MDGA1: variants seen among roughly 807,000 people sequenced by gnomAD.
MDGA1 encodes MAM domain containing glycosylphosphatidylinositol anchor 1.
Under a neutral mutation model 101.5 loss-of-function variants are expected in MDGA1, and 54 were observed. That is an observed-to-expected ratio of 0.53 (90% CI 0.43 to 0.67). The LOEUF is 0.67. Ranked by LOEUF, MDGA1 falls within the 30% of genes least tolerant of loss-of-function variation. The pLI is 0.00. For missense variants in MDGA1, 1,083 were observed against 1,323.8 expected, an observed-to-expected ratio of 0.82 and a Z score of 2.82; for synonymous variants, 533 against 558.3, an observed-to-expected ratio of 0.95 and a Z score of 0.64.
chr6:37,639,423 CCT>C (rs1464046038), intron 14 of MDGA1: 1 of 152,308 alleles, frequency 6.6e-6, no homozygotes, highest in African/African-American at 2.4e-5. Context: ...GGAGGGGACC[CCT>C]GTCTCCAATC....
intron 3 of MDGA1, among the ~76,000 whole-genome samples, chr6:37,657,439 T>TGCC (rs1455899067): frequency 1.3e-5 from 2 of 152,212 alleles, no homozygotes; most frequent in Non-Finnish European, 2.9e-5. Context: ...GGGTCCAGGC[T>TGCC]ATGCCTGCCA....
In MDGA1 at chr6:37,696,721, G is replaced by A; in HGVS notation, c.67+24C>T. On this transcript the variant is annotated intron_variant, in intron 1 of 16. Transcript: ENST00000434837. This position sits in a 1 kb window ranked among gnomAD's most constrained non-coding sequence, Gnocchi z 5.6. ...AGTTTCCGCGCGAGGTTAAGCCAAG[G>A]TGGAGCGGGACGCGGGCTCTTACCG... 2 of 1,565,466 alleles carry A rather than the reference G, an allele frequency of 1.3e-6. No individual in the cohort carries two copies. The highest frequency in any genetic ancestry group is 1.7e-6 in the Non-Finnish European group (2 of 1,153,856).
intron 1 of MDGA1, among the ~76,000 whole-genome samples, chr6:37,681,042 C>A (rs973843430): frequency 1.3e-5 from 2 of 152,200 alleles, no homozygotes; most frequent in African/African-American, 4.8e-5. Flanking sequence ...GCCAACCCGG[C>A]TGGCATGGGG....
rs560478966 is a variant in MDGA1 at position 37,635,557 on chromosome 6, G to A, written c.*1811C>T. 2.3e-5 allele frequency: 9 copies of A among 398,730 alleles called. No individual in the cohort carries two copies. Among genetic ancestry groups the A allele is most frequent in the South Asian group, 1.3e-4 (1 of 7,868 alleles). The allele number at this position is 398,730 out of a possible 1,614,324, so 24.7% of individuals were successfully genotyped here. A position where few individuals can be genotyped will look rare whatever the true frequency, so the allele number is the denominator to read the frequency against. ...ATCCTGGCCCGGCCACCCACCAGCT[G>A]TTGGTGATAATGATCACACAGGCCT... On this transcript the variant is annotated 3_prime_UTR_variant, in exon 17 of 17. Coordinates refer to ENST00000434837, the MANE Select transcript of MDGA1 (RefSeq NM_153487.4).
chr6:37,685,107 G>T (rs1326368796), intron 1 of MDGA1, among the ~76,000 whole-genome samples: 1 of 152,092 alleles, frequency 6.6e-6, no homozygotes, highest in African/African-American at 2.4e-5. Flanking sequence ...TTTGAGGCCA[G>T]CCTGGGCAAC....
At chr6:37,674,098 A>G (rs1761927652) in intron 1 of MDGA1, among the ~76,000 whole-genome samples, 1 of 152,212 alleles carries the variant, frequency 6.6e-6, no homozygotes, top group African/African-American at 2.4e-5. Flanking sequence ...TTCTGGGCAA[A>G]GAACCTCTGC....
At position 37,647,415 on chromosome 6, in the gene MDGA1, G is replaced by A. The variant is rs1761233746; in HGVS notation, c.1895-91C>T. 1.3e-5 allele frequency: 10 copies of A among 786,388 alleles called. 1 individual carries two copies. In the South Asian group the frequency reaches 1.9e-4, roughly 15 times the overall value. The allele number at this position is 786,388 out of a possible 1,614,324, so 48.7% of individuals were successfully genotyped here. A position where few individuals can be genotyped will look rare whatever the true frequency, so the allele number is the denominator to read the frequency against. ...GTGGGAAAGGGAAACAAGAGGATGA[G>A]GTGGAAAACAGAGAGGGGACGGAGA... On this transcript the variant is annotated intron_variant, in intron 9 of 16. Coordinates refer to ENST00000434837, the MANE Select transcript of MDGA1 (RefSeq NM_153487.4).
Position 37,662,643 on chromosome 6 carries a change from A to AAAAGAAAAGAAAAG in MDGA1, c.207+1323_207+1324insCTTTTCTTTTCTTT, listed in dbSNP as rs1761652719. On this transcript the variant is annotated intron_variant, in intron 2 of 16. Coordinates refer to ENST00000434837, the MANE Select transcript of MDGA1 (RefSeq NM_153487.4). ...AAGTGAGACCCCATCTCAAAAAAAA[A>AAAAGAAAAGAAAAG]AAAACAAGGAAGGCCTCAGAGTCTG... Among the ~76,000 whole-genome samples the AAAAGAAAAGAAAAG allele has an allele frequency of 9.0e-5, 13 of 145,212 alleles. 1 individual carries two copies. Among genetic ancestry groups the AAAAGAAAAGAAAAG allele is most frequent in the Non-Finnish European group, 1.4e-4 (9 of 66,446 alleles).
At chr6:37,660,836 T>C (rs560784928) in intron 2 of MDGA1, among the ~76,000 whole-genome samples, 3 of 152,220 alleles carry the variant, frequency 2.0e-5, no homozygotes, top group South Asian at 4.1e-4. Flanking sequence ...GGGATTATCT[T>C]CCATAGAAGT....
At chr6:37,654,737 A>G (rs777698886) in intron 5 of MDGA1, 63 bp downstream of exon 5, 6 of 1,602,288 alleles carry the variant, frequency 3.7e-6, no homozygotes, top group Non-Finnish European at 5.1e-6. Context: ...GGGGTGGGGC[A>G]CTATCTCCTG....
intron 14 of MDGA1, 117 bp downstream of exon 14, chr6:37,643,692 T>C: frequency 7.0e-7 from 1 of 1,428,730 alleles, no homozygotes; most frequent in African/African-American, 1.4e-5. Context: ...ACCTCTCATT[T>C]AGCCAAGTGG....
chr6:37,654,625 A>G (rs1417311739), intron 5 of MDGA1, 82 bp from the exon 6 acceptor site: 3 of 1,595,920 alleles, frequency 1.9e-6, no homozygotes, highest in African/African-American at 1.3e-5. Flanking sequence ...GGAAAACCAT[A>G]GAGGCTGGAG....
chr6:37,662,141 G>A (rs1369555254), intron 2 of MDGA1, among the ~76,000 whole-genome samples: 6 of 144,860 alleles, frequency 4.1e-5, no homozygotes, highest in Non-Finnish European at 9.0e-5. Context: ...CAGCCTGGGC[G>A]ACACAGCAAG....
chr6:37,674,313 A>C (rs1761932762), intron 1 of MDGA1, among the ~76,000 whole-genome samples: 1 of 152,240 alleles, frequency 6.6e-6, no homozygotes, highest in Admixed American at 6.5e-5. Flanking sequence ...ATCAGTGTGC[A>C]GGCCGCCACC....
rs11963600 is a variant in MDGA1, at chr6:37,638,699, G to T, written c.2537-32C>A. On this transcript the variant is annotated intron_variant, in intron 14 of 16. Coordinates refer to ENST00000434837, the MANE Select transcript of MDGA1 (RefSeq NM_153487.4). The surrounding 1 kb of genome is among the most constrained non-coding windows in gnomAD (Gnocchi z 4.8). ...TGGGTGTGAAGACAGTGGGCAGTGA[G>T]ATCTGGCCAGGGCACCCTCACCTTT... The T allele has an allele frequency of 2.1e-4, 330 of 1,594,696 alleles. 1 individual carries two copies. The African/African-American group carries it at 3.8e-3, about 18-fold the overall frequency.
intron 1 of MDGA1, among the ~76,000 whole-genome samples, chr6:37,674,516 G>A (rs972226556): frequency 2.6e-5 from 4 of 152,222 alleles, no homozygotes; most frequent in African/African-American, 9.6e-5. Context: ...ATTCCCTGGG[G>A]ATGTTCAGCA....
In MDGA1 at chr6:37,665,009, G is replaced by A. The variant is rs994597544; in HGVS notation, c.68-903C>T. On this transcript the variant is annotated intron_variant, in intron 1 of 16. Transcript: ENST00000434837. ...GGACAGAAATGCTCACAGAAGTTGGGGCCTGGGAGCTGGCAAAAGGCTGCG... is the reference window on the plus strand; with the variant it reads ...GGACAGAAATGCTCACAGAAGTTGGAGCCTGGGAGCTGGCAAAAGGCTGCG... 6.6e-5 allele frequency among the ~76,000 whole-genome samples: 10 copies of A among 152,014 alleles called. No individual in the cohort carries two copies. The South Asian group carries it at 1.7e-3, about 25-fold the overall frequency.
intron 1 of MDGA1, among the ~76,000 whole-genome samples, chr6:37,676,773 T>C (rs1761988033): frequency 6.6e-6 from 1 of 152,112 alleles, no homozygotes; most frequent in Non-Finnish European, 1.5e-5. Context: ...GGCTTGTGCC[T>C]GTAATCCCAG....
At chr6:37,653,928 A>G (rs1761423768) in intron 6 of MDGA1, among the ~76,000 whole-genome samples, 2 of 152,182 alleles carry the variant, frequency 1.3e-5, no homozygotes, top group Admixed American at 6.5e-5. Context: ...TTACTCTTGA[A>G]GCCTAGAATG....
Sources: gnomAD v4.1 joint callset for allele counts (sites outside exome capture counted in the v4.1 genomes callset) on GRCh38, gnomAD v4.1.1 for gene constraint, Gnocchi (gnomAD v3.1) non-coding constraint, MANE v1.5 for transcripts, NCBI Gene and HGNC (gene_info 2026-07-23, HGNC 2026-07-21) for gene names.